The following CACNG2 variants were observed in gnomAD, a reference collection of about 807,000 sequenced individuals.
CACNG2 encodes calcium voltage-gated channel auxiliary subunit gamma 2.
Under a neutral mutation model 25.9 loss-of-function variants are expected in CACNG2, and 3 were observed. That is an observed-to-expected ratio of 0.12 (90% CI 0.05 to 0.30). The LOEUF is 0.30. Ranked by LOEUF, CACNG2 falls within the 10% of genes least tolerant of loss-of-function variation. CACNG2 has a pLI of 1.00. For missense variants in CACNG2, 341 were observed against 432.5 expected (o/e 0.79, Z 1.88); for synonymous variants, 167 against 173.3 (o/e 0.96, Z 0.29).
Position 36,564,959 on chromosome 22 carries a change from G to C in CACNG2, c.437-73C>G. ...AGTTTCTCAGGAAGTCGGCCACAGG[G>C]CAGCCGTAAAGGACGGGGACAGCTG... On this transcript the variant is annotated intron_variant, in intron 3 of 3. Transcript: ENST00000300105. This position sits in a 1 kb window ranked among gnomAD's most constrained non-coding sequence, Gnocchi z 6.7. 7.7e-6 allele frequency: 11 copies of C among 1,423,858 alleles called. No homozygotes were observed. The highest frequency in any genetic ancestry group is 9.8e-7 in the Non-Finnish European group (1 of 1,022,148). The allele number at this position is 1,423,858 out of a possible 1,614,324, so 88.2% of individuals were successfully genotyped here.
intron 1 of CACNG2, among the ~76,000 whole-genome samples, chr22:36,649,160 A>G (rs1432286793): frequency 2.0e-5 from 3 of 151,962 alleles, no homozygotes; most frequent in South Asian, 4.2e-4. Flanking sequence ...CGGAGCTCCC[A>G]ATCTCCCCCG....
In CACNG2 at chr22:36,623,011, G is replaced by GATTTTTTTTTTTTTTTTT. The variant is rs1569032646; in HGVS notation, c.212-35464_212-35463insAAAAAAAAAAAAAAAAAT. Among the ~76,000 whole-genome samples, 2 of 93,224 alleles carry GATTTTTTTTTTTTTTTTT rather than the reference G, an allele frequency of 2.1e-5. 1 individual carries two copies. The highest frequency in any genetic ancestry group is 4.0e-5 in the Non-Finnish European group (2 of 49,902). The allele number at this position is 93,224 out of a possible 152,430, so 61.2% of individuals were successfully genotyped here. ...TTTCTCATTCAGTCTTCAAAACATG[G>GATTTTTTTTTTTTTTTTT]GTTTTTTTTTTTTTTTTTTTTTTTT... On this transcript the variant is annotated intron_variant, in intron 1 of 3. Transcript: ENST00000300105.
At chr22:36,581,139 G>A (rs1407285953) in intron 2 of CACNG2, among the ~76,000 whole-genome samples, 4 of 152,188 alleles carry the variant, frequency 2.6e-5, no homozygotes, top group African/African-American at 7.2e-5. Flanking sequence ...AGACACATTC[G>A]ATGGGCCCAC....
At chr22:36,640,960 A>G (rs1173808385) in intron 1 of CACNG2, among the ~76,000 whole-genome samples, 1 of 151,986 alleles carries the variant, frequency 6.6e-6, no homozygotes. Context: ...GGGGCACACC[A>G]AGGACTCGCA....
intron 1 of CACNG2, among the ~76,000 whole-genome samples, chr22:36,653,361 T>C (rs925452109): frequency 3.0e-4 from 46 of 152,198 alleles, no homozygotes; most frequent in African/African-American, 1.0e-3. Context: ...GATGAGTTGC[T>C]AACATTGAAA....
At chr22:36,595,142 T>C (rs904546335) in intron 1 of CACNG2, among the ~76,000 whole-genome samples, 1 of 151,578 alleles carries the variant, frequency 6.6e-6, no homozygotes, top group Non-Finnish European at 1.5e-5. Context: ...CATGTGTCTG[T>C]GTGTGTAGGC....
At chr22:36,663,174 G>A (rs1194880893) in intron 1 of CACNG2, among the ~76,000 whole-genome samples, 1 of 152,170 alleles carries the variant, frequency 6.6e-6, no homozygotes, top group Non-Finnish European at 1.5e-5. Flanking sequence ...CGGTCTACGG[G>A]TGGGTGCCTG....
chr22:36,670,628 T>TG (rs1936935479), intron 1 of CACNG2, among the ~76,000 whole-genome samples: 1 of 121,176 alleles, frequency 8.3e-6, no homozygotes, highest in African/African-American at 4.6e-5. Flanking sequence ...TTTGTTTTTG[T>TG]TTTTTTGTTT....
chr22:36,615,929 C>T (rs1357018034), intron 1 of CACNG2, among the ~76,000 whole-genome samples: 2 of 152,242 alleles, frequency 1.3e-5, no homozygotes, highest in African/African-American at 4.8e-5. Context: ...TATGTTCAAA[C>T]ATTCTCTTAT....
At chr22:36,567,880 TC>T (rs1216237414) in intron 2 of CACNG2, among the ~76,000 whole-genome samples, 3 of 151,994 alleles carry the variant, frequency 2.0e-5, no homozygotes, top group African/African-American at 7.2e-5. Context: ...GACGGAGTCT[TC>T]CCCTGTCACC....
In CACNG2 at chr22:36,563,398, G is replaced by T. The variant is rs1935062851; in HGVS notation, c.*953C>A. On this transcript the variant is annotated 3_prime_UTR_variant, in exon 4 of 4. Transcript: ENST00000300105. ...GGGGGTGGCATCTCCTGACCCCAAG[G>T]ACAGGAGCTTGGGGACATGACCCCA... 6.6e-6 allele frequency among the ~76,000 whole-genome samples: 1 copy of T among 151,898 alleles called. No homozygotes were observed.
At chr22:36,602,574 C>A (rs964844314) in intron 1 of CACNG2, among the ~76,000 whole-genome samples, 1 of 151,948 alleles carries the variant, frequency 6.6e-6, no homozygotes, top group African/African-American at 2.4e-5. Context: ...TTAGTAGAGA[C>A]GGGGTTTCGC....
At chr22:36,697,013 T>C (rs1038046978) in intron 1 of CACNG2, among the ~76,000 whole-genome samples, 5 of 152,176 alleles carry the variant, frequency 3.3e-5, no homozygotes, top group African/African-American at 7.2e-5. Context: ...GTGAGTTACG[T>C]AGGATGTAAA....
chr22:36,625,618 C>T (rs1936172817), intron 1 of CACNG2, among the ~76,000 whole-genome samples: 1 of 152,180 alleles, frequency 6.6e-6, no homozygotes, highest in African/African-American at 2.4e-5. Flanking sequence ...ATGATAGCAG[C>T]TAATTTGGGT....
At chr22:36,666,049 T>A (rs191188339) in intron 1 of CACNG2, among the ~76,000 whole-genome samples, 1 of 152,346 alleles carries the variant, frequency 6.6e-6, no homozygotes, top group East Asian at 1.9e-4. Context: ...AAAGGAAGGC[T>A]GTTACGTGCT....
At chr22:36,588,146 TACA>T (rs771043800) in intron 1 of CACNG2, among the ~76,000 whole-genome samples, 1 of 152,204 alleles carries the variant, frequency 6.6e-6, no homozygotes, top group African/African-American at 2.4e-5. Context: ...GGTTTTGAAC[TACA>T]GCTCATTTTG....
intron 1 of CACNG2, among the ~76,000 whole-genome samples, chr22:36,671,250 A>G (rs952118686): frequency 6.6e-6 from 1 of 152,212 alleles, no homozygotes; most frequent in Non-Finnish European, 1.5e-5. Context: ...AAAATTATAT[A>G]CTTAGAAAGA....
At chr22:36,567,718 A>T (rs1935151049) in intron 2 of CACNG2, among the ~76,000 whole-genome samples, 1 of 152,082 alleles carries the variant, frequency 6.6e-6, no homozygotes, top group South Asian at 2.1e-4. Flanking sequence ...TGCGAAGTAA[A>T]ACATTTTTTT....
intron 1 of CACNG2, among the ~76,000 whole-genome samples, chr22:36,658,327 T>C (rs975867777): frequency 9.2e-5 from 14 of 152,174 alleles, no homozygotes; most frequent in African/African-American, 3.1e-4. Context: ...TTCTACCTTA[T>C]GATTAAGGGA....
Sources: allele counts gnomAD v4.1 joint callset (sites outside exome capture counted in the v4.1 genomes callset), GRCh38; gene constraint gnomAD v4.1.1; non-coding constraint Gnocchi (gnomAD v3.1); transcripts MANE v1.5; gene names NCBI Gene and HGNC (gene_info 2026-07-23, HGNC 2026-07-21).